Variants in PRKN observed in about 807,000 individuals in gnomAD.
PRKN encodes E3 ubiquitin-protein ligase parkin.
PRKN carries 56 observed loss-of-function variants against 59.5 expected under a neutral mutation model. That is an observed-to-expected ratio of 0.94 (90% CI 0.76 to 1.18). The LOEUF (loss-of-function observed/expected upper bound fraction) is 1.18. Ranked by LOEUF, PRKN falls within the 50% of genes most tolerant of loss-of-function variation. The pLI is 0.00. For synonymous variants in PRKN, 250 were observed against 222.1 expected (o/e 1.13, Z -1.12); for missense variants, 657 against 596.4 (o/e 1.10, Z -1.06).
chr6:161,925,515 G>A (rs967242332), intron 6 of PRKN, among the ~76,000 whole-genome samples: 2 of 152,126 alleles, frequency 1.3e-5, no homozygotes, highest in Non-Finnish European at 1.5e-5. Context: ...AGGTTGCAGC[G>A]AGCTGAGATC....
chr6:161,425,721 G>A (rs1276977214), intron 9 of PRKN, among the ~76,000 whole-genome samples: 7 of 152,140 alleles, frequency 4.6e-5, no homozygotes, highest in Non-Finnish European at 1.5e-5. Flanking sequence ...GGGTCAAAAT[G>A]TTTGTAAAGT....
Position 162,441,373 on chromosome 6 carries a change from T to C in PRKN, c.171+1937A>G, listed in dbSNP as rs147804721. ...TTCTAGAAGAACAAGAACCCATCCTTTTTGGCAAGCATTCTCTATGCTCAT... is the reference window on the plus strand; with the variant it reads ...TTCTAGAAGAACAAGAACCCATCCTCTTTGGCAAGCATTCTCTATGCTCAT... On this transcript the variant is annotated intron_variant, in intron 2 of 11. Transcript: ENST00000366898. 2.5e-3 allele frequency among the ~76,000 whole-genome samples: 380 copies of C among 152,260 alleles called. 2 individuals carry two copies. Among genetic ancestry groups the C allele is most frequent in the African/African-American group, 8.3e-3 (346 of 41,560 alleles).
At chr6:161,756,528 ACTGT>A (rs1027924137) in intron 7 of PRKN, among the ~76,000 whole-genome samples, 2 of 149,984 alleles carry the variant, frequency 1.3e-5, no homozygotes, top group East Asian at 2.0e-4. Flanking sequence ...TTTCTTTAGA[ACTGT>A]TTATCACATG....
intron 6 of PRKN, among the ~76,000 whole-genome samples, chr6:161,949,662 T>C (rs1030351133): frequency 2.0e-5 from 3 of 152,212 alleles, no homozygotes; most frequent in Non-Finnish European, 2.9e-5. Context: ...TACAGCTTAC[T>C]TCCTACCCCA....
chr6:161,450,843 C>A (rs1789709666), intron 9 of PRKN, among the ~76,000 whole-genome samples: 3 of 152,178 alleles, frequency 2.0e-5, no homozygotes, highest in Admixed American at 2.0e-4. Flanking sequence ...GCGTGAGCCA[C>A]CATGCCCGGC....
intron 2 of PRKN, among the ~76,000 whole-genome samples, chr6:162,328,292 G>A (rs1216322512): frequency 2.0e-5 from 3 of 152,210 alleles, no homozygotes; most frequent in South Asian, 2.1e-4. Context: ...CCAGGAGACA[G>A]GAGACAGAGG....
At position 161,401,704 on chromosome 6, in the gene PRKN, C is replaced by G. The variant is rs1226196313; in HGVS notation, c.1084-14827G>C. 1.3e-5 allele frequency among the ~76,000 whole-genome samples: 2 copies of G among 152,148 alleles called. No individual in the cohort carries two copies. Among genetic ancestry groups the G allele is most frequent in the African/African-American group, 4.8e-5 (2 of 41,438 alleles). ...ACTAATGACAGAAGCTGAAATAAATCCCCCAAATGTCTTGAACACTTTCTA... is the reference window on the plus strand; with the variant it reads ...ACTAATGACAGAAGCTGAAATAAATGCCCCAAATGTCTTGAACACTTTCTA... On this transcript the variant is annotated intron_variant, in intron 9 of 11. Transcript: ENST00000366898. The surrounding 1 kb of genome is among the most constrained non-coding windows in gnomAD (Gnocchi z 4.4).
intron 1 of PRKN, among the ~76,000 whole-genome samples, chr6:162,447,555 TATG>T (rs1213001561): frequency 6.6e-6 from 1 of 152,186 alleles, no homozygotes; most frequent in African/African-American, 2.4e-5. Context: ...ATTCCTTTTT[TATG>T]ATATCCCTAA....
chr6:161,559,343 T>C (rs1340077851), intron 8 of PRKN, among the ~76,000 whole-genome samples: 1 of 152,200 alleles, frequency 6.6e-6, no homozygotes, highest in African/African-American at 2.4e-5. Context: ...ACAGCTGATG[T>C]GACTTCAGAG....
At chr6:161,653,368 AAAC>A (rs112738155) in intron 7 of PRKN, among the ~76,000 whole-genome samples, 1 of 151,982 alleles carries the variant, frequency 6.6e-6, no homozygotes, top group Non-Finnish European at 1.5e-5. Context: ...ATCTTCTCAA[AAAC>A]AACAACAAAA....
At chr6:161,617,421 T>C (rs1183676942) in intron 7 of PRKN, among the ~76,000 whole-genome samples, 1 of 152,212 alleles carries the variant, frequency 6.6e-6, no homozygotes, top group East Asian at 1.9e-4. Flanking sequence ...TTAAAATATT[T>C]TTAGTACTGC....
At chr6:162,386,684 G>A (rs189007356) in intron 2 of PRKN, among the ~76,000 whole-genome samples, 1 of 152,212 alleles carries the variant, frequency 6.6e-6, no homozygotes, top group Non-Finnish European at 1.5e-5. Context: ...GTACGTACGT[G>A]TGCACATATG....
At chr6:162,173,736 A>G (rs1175514611) in intron 4 of PRKN, among the ~76,000 whole-genome samples, 1 of 152,160 alleles carries the variant, frequency 6.6e-6, no homozygotes, top group African/African-American at 2.4e-5. Context: ...TGACTCCCAG[A>G]GTTCAAATTC....
intron 7 of PRKN, among the ~76,000 whole-genome samples, chr6:161,783,226 C>T (rs754107279): frequency 1.3e-5 from 2 of 151,762 alleles, no homozygotes; most frequent in Admixed American, 6.6e-5. Flanking sequence ...AATTTGGTAA[C>T]ACTGGATTTG....
intron 1 of PRKN, among the ~76,000 whole-genome samples, chr6:162,458,475 ATATC>A (rs919325365): frequency 2.0e-5 from 3 of 151,790 alleles, no homozygotes; most frequent in African/African-American, 7.3e-5. Context: ...GTTTGTAAGA[ATATC>A]TAAGAAAAAT....
At chr6:162,443,289 C>T (rs763846720) in intron 2 of PRKN, 21 bp downstream of exon 2, 34 of 1,611,454 alleles carry the variant, frequency 2.1e-5, no homozygotes, top group East Asian at 8.9e-5. Context: ...ATCCCAAGAA[C>T]GGCCGCCAAG....
At chr6:161,759,750 A>C (rs1020726375) in intron 7 of PRKN, among the ~76,000 whole-genome samples, 2 of 152,154 alleles carry the variant, frequency 1.3e-5, no homozygotes, top group African/African-American at 4.8e-5. Context: ...TTTCTGTCAC[A>C]GGTTGTACAG....
intron 6 of PRKN, among the ~76,000 whole-genome samples, chr6:161,843,785 A>G (rs1254716653): frequency 2.6e-5 from 4 of 152,192 alleles, no homozygotes. Flanking sequence ...GCAAGCCTCC[A>G]TCTCTAAATA....
In PRKN at chr6:161,578,675, A is replaced by G. The variant is rs1048289974; in HGVS notation, c.872-9259T>C. ...TCCTGTGACACCTCCATGACTGTCC[A>G]CACGATGGTGTCACTTCCTGCACTA... On this transcript the variant is annotated intron_variant, in intron 7 of 11. Transcript: ENST00000366898. The surrounding 1 kb of genome is among the most constrained non-coding windows in gnomAD (Gnocchi z 4.2). 6.6e-6 allele frequency among the ~76,000 whole-genome samples: 1 copy of G among 152,208 alleles called. No homozygotes were observed. The highest frequency in any genetic ancestry group is 1.5e-5 in the Non-Finnish European group (1 of 68,044).
Sources: gnomAD v4.1 joint callset for allele counts (sites outside exome capture counted in the v4.1 genomes callset) on GRCh38, gnomAD v4.1.1 for gene constraint, Gnocchi (gnomAD v3.1) non-coding constraint, MANE v1.5 for transcripts, NCBI Gene and HGNC (gene_info 2026-07-23, HGNC 2026-07-21) for gene names.